The following ZNF726 variants were observed in gnomAD, a reference collection of about 807,000 sequenced individuals.
ZNF726 encodes zinc finger protein 726, also known as zinc finger protein 92 pseudogene 3.
A neutral mutation model predicts 11.6 loss-of-function variants in ZNF726; 15 were observed. That is an observed-to-expected ratio of 1.29 (90% confidence interval 0.86 to 1.99). ZNF726 has a LOEUF of 1.99. Ranked by LOEUF, ZNF726 falls within the 30% of genes most tolerant of loss-of-function variation. The pLI, the probability that ZNF726 is intolerant of heterozygous loss-of-function variation, is 0.00. For missense variants in ZNF726, 890 were observed against 725.6 expected, an observed-to-expected ratio of 1.23 and a Z score of -2.60; for synonymous variants, 295 against 243.6, an observed-to-expected ratio of 1.21 and a Z score of -1.96.
intron 3 of ZNF726, among the ~76,000 whole-genome samples, chr19:23,925,399 G>T (rs944096037): frequency 1.3e-5 from 2 of 151,828 alleles, no homozygotes; most frequent in Non-Finnish European, 2.9e-5. Flanking sequence ...TCACCATGTT[G>T]GTCAGGCTGG....
chr19:23,919,096 T>C, intron 1 of ZNF726: 1 of 304,050 alleles, frequency 3.3e-6, no homozygotes, highest in East Asian at 9.1e-5. Flanking sequence ...GTAAATACTG[T>C]ACTCAAAAAT....
At chr19:23,922,060 A>T (rs1432972992) in intron 3 of ZNF726, among the ~76,000 whole-genome samples, 1 of 152,174 alleles carries the variant, frequency 6.6e-6, no homozygotes, top group Non-Finnish European at 1.5e-5. Context: ...CTGGGTTTGT[A>T]GTGAAGAGGG....
intron 3 of ZNF726, chr19:23,923,584 G>C (rs572290914): frequency 4.9e-5 from 9 of 182,558 alleles, no homozygotes; most frequent in African/African-American, 1.9e-4. Flanking sequence ...CTAATTTTTT[G>C]TATTTTTAGT....
intron 3 of ZNF726, chr19:23,929,135 A>G (rs1453682598): frequency 2.0e-5 from 3 of 152,062 alleles, no homozygotes; most frequent in South Asian, 2.1e-4. Flanking sequence ...TGAAGTTACT[A>G]CTTTTATTGT....
At chr19:23,935,431 A>T (rs1368753436), downstream of ZNF726, 2 of 520,292 alleles carry the variant, frequency 3.8e-6, no homozygotes, top group East Asian at 5.4e-5. Context: ...CTTACTACAG[A>T]TAAGATAACT....
intron 3 of ZNF726, among the ~76,000 whole-genome samples, chr19:23,931,239 C>T (rs1219844511): frequency 2.0e-5 from 3 of 152,112 alleles, no homozygotes; most frequent in Admixed American, 6.6e-5. Context: ...CCCGAAGTGC[C>T]GGGATTACAG....
At position 23,919,459 on chromosome 19, in the gene ZNF726, G is replaced by C. The variant is rs1967787386; in HGVS notation, c.90G>C (p.Arg30Ser). ...CLDTAQKNLYRNVMLENYRNL... is the reference protein window; with the variant it reads ...CLDTAQKNLYSNVMLENYRNL... ...ACACTGCACAGAAGAATTTATATAG[G>C]AATGTGATGTTAGAGAACTACAGAA... The change falls in exon 2 of 4, where the codon AGG (arginine) becomes AGC (serine). Residue 30 changes from arginine (R) to serine (S), a missense_variant. Arg to Ser is a moderately radical substitution (Grantham distance 110). Coordinates refer to ENST00000594466, the MANE Select transcript of ZNF726 (RefSeq NM_001244038.2). The C allele has an allele frequency of 6.2e-7, 1 of 1,606,758 alleles. No individual in the cohort carries two copies. The highest frequency in any genetic ancestry group is 8.5e-7 in the Non-Finnish European group (1 of 1,176,154).
chr19:23,917,912 G>T (rs1170887925), intron 1 of ZNF726, among the ~76,000 whole-genome samples: 1 of 152,170 alleles, frequency 6.6e-6, no homozygotes, highest in Non-Finnish European at 1.5e-5. Context: ...TGCCATGAGA[G>T]TAAGCAGGAA....
Position 23,919,413 on chromosome 19 carries a change from T to C in ZNF726, c.44T>C (p.Leu15Pro), listed in dbSNP as rs1258338208. The C allele has an allele frequency of 1.2e-6, 2 of 1,608,194 alleles. No individual in the cohort carries two copies. The highest frequency in any genetic ancestry group is 2.2e-5 in the East Asian group (1 of 44,730). The change falls in exon 2 of 4, where the codon CTG becomes CCG. Residue 15 changes from leucine to proline, a missense_variant. By Grantham distance (98) the Leu-to-Pro change is moderately conservative. Coordinates refer to ENST00000594466, the MANE Select transcript of ZNF726 (RefSeq NM_001244038.2). The stretch of plus-strand genomic sequence containing the variant: ...AGGGATGTGGCCATAGAATTCTCTC[T>C]GGAGGAGTGGCAGTGCCTGGACACT... Reference protein sequence around the residue: ...TFRDVAIEFSLEEWQCLDTAQ... With the variant: ...TFRDVAIEFSPEEWQCLDTAQ...
chr19:23,927,694 C>G (rs1968018487), intron 3 of ZNF726: 1 of 152,180 alleles, frequency 6.6e-6, no homozygotes, highest in African/African-American at 2.4e-5. Context: ...GTTGCCCAGG[C>G]TGGCCTCAAA....
At chr19:23,917,062 T>C (rs531322858) in intron 1 of ZNF726, among the ~76,000 whole-genome samples, 24 of 152,358 alleles carry the variant, frequency 1.6e-4, no homozygotes, top group African/African-American at 5.1e-4. Context: ...GTGATTGTCA[T>C]GCTTCAGTCT....
rs752442835 is a variant in ZNF726, at chr19:23,933,938, C to G, written c.1822C>G (p.Leu608Val). The change falls in exon 4 of 4, where the codon CTT becomes GTT. Residue 608 changes from leucine (L) to valine (V), a missense_variant. Physicochemically the swap from Leu to Val is conservative, Grantham distance 32. Transcript: ENST00000594466. ...CAAATCATTTATCTGGTCCTCAACC[C>G]TTTTTAAGCATAAGAGGATTCATAC... is the stretch of plus-strand genomic sequence containing the variant. Reference protein sequence around the residue: ...CGKSFIWSSTLFKHKRIHT With the variant: ...CGKSFIWSSTVFKHKRIHT The G allele has an allele frequency of 6.3e-7, 1 of 1,580,926 alleles. No homozygotes were observed. Among genetic ancestry groups the G allele is most frequent in the Non-Finnish European group, 8.6e-7 (1 of 1,163,244 alleles).
At chr19:23,942,379 C>CATA (rs1215309530) in intron 3 of ZNF726, among the ~76,000 whole-genome samples, 1 of 152,100 alleles carries the variant, frequency 6.6e-6, no homozygotes, top group South Asian at 2.1e-4. Flanking sequence ...TATGGCCTAT[C>CATA]ATATGATCTA....
At chr19:23,941,390 G>C (rs1458567770) in intron 3 of ZNF726, among the ~76,000 whole-genome samples, 1 of 152,094 alleles carries the variant, frequency 6.6e-6, no homozygotes, top group African/African-American at 2.4e-5. Flanking sequence ...CTAGTATTTT[G>C]TTAAGAATTT....
At chr19:23,936,693 A>G (rs1204607159), downstream of ZNF726, among the ~76,000 whole-genome samples, 1 of 148,944 alleles carries the variant, frequency 6.7e-6, no homozygotes, top group Admixed American at 6.6e-5. Flanking sequence ...TTTATGCATT[A>G]TCATGAAAGA....
intron 3 of ZNF726, among the ~76,000 whole-genome samples, chr19:23,926,409 G>A (rs1331714234): frequency 2.0e-5 from 3 of 151,786 alleles, no homozygotes; most frequent in Non-Finnish European, 4.4e-5. Flanking sequence ...AAAAAAATTA[G>A]CTGAGCGTGA....
intron 3 of ZNF726, among the ~76,000 whole-genome samples, chr19:23,940,150 T>A (rs1968315552): frequency 6.6e-6 from 1 of 152,180 alleles, no homozygotes; most frequent in Non-Finnish European, 1.5e-5. Flanking sequence ...TAGTTTCAGG[T>A]CTTAGGTTTA....
chr19:23,942,693 G>A (rs1033601609), intron 3 of ZNF726, among the ~76,000 whole-genome samples: 2 of 152,124 alleles, frequency 1.3e-5, no homozygotes, highest in African/African-American at 2.4e-5. Context: ...GTTGGATCAG[G>A]CCACTTACGA....
At chr19:23,936,654 T>C (rs984057598), downstream of ZNF726, among the ~76,000 whole-genome samples, 1 of 152,062 alleles carries the variant, frequency 6.6e-6, no homozygotes, top group African/African-American at 2.4e-5. Context: ...TGTTGAGTGA[T>C]GCATGAGGTA....
Sources: allele counts gnomAD v4.1 joint callset (sites outside exome capture counted in the v4.1 genomes callset), GRCh38; gene constraint gnomAD v4.1.1; transcripts MANE v1.5; gene names NCBI Gene and HGNC (gene_info 2026-07-23, HGNC 2026-07-21).